SLC17A1: variants seen among roughly 807,000 people sequenced by gnomAD.
The protein encoded by SLC17A1 is sodium-dependent phosphate transport protein 1.
In SLC17A1, 51 loss-of-function variants were observed where a neutral mutation model predicts 53.5. The ratio of observed to expected loss-of-function variants is 0.95; its 90% CI spans 0.76 to 1.20. The LOEUF is 1.20. SLC17A1 is among the 50% of genes most tolerant of loss of function. The pLI is 0.00. For missense variants in SLC17A1, 538 were observed against 568.2 expected (o/e 0.95, Z 0.54); for synonymous variants, 179 against 198.8 (o/e 0.90, Z 0.84).
chr6:25,813,136 T>C lies in SLC17A1; in HGVS notation c.694A>G (p.Ile232Val). The C allele has an allele frequency of 6.2e-7, 1 of 1,614,168 alleles. No homozygotes were observed. Among genetic ancestry groups the C allele is most frequent in the Non-Finnish European group, 8.5e-7 (1 of 1,180,012 alleles). ...GATGTGATGTATTCCTTTTCACTGA[T>C]GCTTATACATGGGTGGTCTTTGGGG... ...DDPKDHPCIS[I>V]SEKEYITSSL... The change falls in exon 7 of 13, where the codon ATC (isoleucine) becomes GTC (valine). Residue 232 changes from isoleucine to valine, a missense_variant. Ile to Val is a conservative substitution (Grantham distance 29). Transcript: ENST00000244527.
the SLC17A1 span, among the ~76,000 whole-genome samples, chr6:25,729,892 T>C: frequency 6.6e-6 from 1 of 152,192 alleles, no homozygotes; most frequent in Non-Finnish European, 1.5e-5. Flanking sequence ...ATTGTACTAT[T>C]GATTTCTTTG....
intron 6 of SLC17A1, among the ~76,000 whole-genome samples, chr6:25,814,990 A>AACAC (rs56723023): frequency 5.9e-3 from 302 of 51,584 alleles, no homozygotes; most frequent in Non-Finnish European, 8.9e-3. Context: ...CTGTCACACA[A>AACAC]ACACACACAC....
the SLC17A1 span, among the ~76,000 whole-genome samples, chr6:25,735,689 A>G: frequency 6.6e-6 from 1 of 152,214 alleles, no homozygotes; most frequent in African/African-American, 2.4e-5. Flanking sequence ...ACAATATGCT[A>G]TGGTGGAAGC....
In SLC17A1 at chr6:25,812,564, G is replaced by A. The variant is rs141559354; in HGVS notation, c.897+267C>T. Among the ~76,000 whole-genome samples, 1,212 of 152,288 alleles carry A rather than the reference G, an allele frequency of 8.0e-3. 9 individuals are homozygous for A. The highest frequency in any genetic ancestry group is 0.017 in the Middle Eastern group (5 of 294). On this transcript the variant is annotated intron_variant, in intron 8 of 12. Transcript: ENST00000244527. ...GAGCCTTAAGTAATATACAAAGGGA[G>A]TCACATAGTCAATGGGAGATGGCAA...
the SLC17A1 span, among the ~76,000 whole-genome samples, chr6:25,775,907 G>A: frequency 6.6e-6 from 1 of 152,108 alleles, no homozygotes; most frequent in Non-Finnish European, 1.5e-5. Flanking sequence ...ATCAGTACAT[G>A]AGAACCTTGC....
At chr6:25,776,035 G>T in the SLC17A1 span, among the ~76,000 whole-genome samples, 1 of 152,044 alleles carries the variant, frequency 6.6e-6, no homozygotes, top group African/African-American at 2.4e-5. Flanking sequence ...AGATTATTGA[G>T]TCAAAGGGTA....
chr6:25,776,807 C>A, the SLC17A1 span: 2 of 1,613,774 alleles, frequency 1.2e-6, no homozygotes, highest in African/African-American at 2.7e-5. Context: ...GTCCTCCTAC[C>A]CCAGGGGTTC....
chr6:25,759,995 C>T, the SLC17A1 span, among the ~76,000 whole-genome samples: 2 of 152,172 alleles, frequency 1.3e-5, no homozygotes, highest in South Asian at 2.1e-4. Context: ...TTCTGTGTGG[C>T]TGTGCTTATT....
chr6:25,828,980 C>T (rs1764849349), intron 2 of SLC17A1, among the ~76,000 whole-genome samples: 1 of 152,066 alleles, frequency 6.6e-6, no homozygotes, highest in Admixed American at 6.6e-5. Context: ...GCCAACTGAG[C>T]TTCCGTTGTT....
At chr6:25,813,381 C>T (rs1382784554) in intron 6 of SLC17A1, among the ~76,000 whole-genome samples, 168 bp from the exon 7 acceptor site, 1 of 152,132 alleles carries the variant, frequency 6.6e-6, no homozygotes, top group Non-Finnish European at 1.5e-5. Context: ...CCACAGGGAC[C>T]CCTCCCTACT....
rs1177423764 is a variant in SLC17A1 at position 25,819,708 on chromosome 6, A to G, written c.415T>C (p.Cys139Arg). 2 of 1,614,102 alleles carry G rather than the reference A, an allele frequency of 1.2e-6. No homozygotes were observed. Among genetic ancestry groups the G allele is most frequent in the Non-Finnish European group, 1.7e-6 (2 of 1,180,034 alleles). Residue 139 changes from cysteine (C) to arginine (R), a missense_variant, in exon 4 of 13, where the codon TGT becomes CGT. By Grantham distance (180) the Cys-to-Arg change is radical. Transcript: ENST00000244527. The part of the protein sequence containing the change: ...AGIGVAWVVV[C>R]RAVQGAAQGI... ...TGGGCTGCTCCCTGAACTGCTCGAC[A>G]TACAACGACCCAAGCTACTCCAATT...
chr6:25,747,037 A>G, the SLC17A1 span, among the ~76,000 whole-genome samples: 18 of 152,346 alleles, frequency 1.2e-4, no homozygotes, highest in Admixed American at 3.3e-4. Context: ...GATTGTAATA[A>G]CAGGGGCCTC....
the SLC17A1 span, among the ~76,000 whole-genome samples, chr6:25,740,906 A>G: frequency 6.6e-6 from 1 of 152,200 alleles, no homozygotes; most frequent in Non-Finnish European, 1.5e-5. Context: ...GTTAAGTGAA[A>G]TAAGACAGGC....
chr6:25,775,196 G>A, the SLC17A1 span, among the ~76,000 whole-genome samples: 1 of 151,878 alleles, frequency 6.6e-6, no homozygotes, highest in Non-Finnish European at 1.5e-5. Context: ...GCCAGGTGTT[G>A]TGGCATCTGC....
At chr6:25,778,910 A>T, downstream of SLC17A1, 7 of 972,044 alleles carry the variant, frequency 7.2e-6, no homozygotes, top group South Asian at 1.1e-4. Context: ...AATGTACTTG[A>T]GTATTCTAGG....
intron 3 of SLC17A1, among the ~76,000 whole-genome samples, chr6:25,822,225 A>G (rs1261000795): frequency 6.6e-6 from 1 of 151,672 alleles, no homozygotes; most frequent in African/African-American, 2.4e-5. Flanking sequence ...TGTTTTTCTT[A>G]TTTCGTCTTT....
At chr6:25,724,239 C>CA in the SLC17A1 span, among the ~76,000 whole-genome samples, 1 of 152,206 alleles carries the variant, frequency 6.6e-6, no homozygotes, top group Non-Finnish European at 1.5e-5. Flanking sequence ...GCCTGGCCAA[C>CA]ATGGCGAAAC....
the SLC17A1 span, among the ~76,000 whole-genome samples, chr6:25,724,284 C>T: frequency 7.2e-5 from 11 of 152,028 alleles, no homozygotes; most frequent in Admixed American, 2.6e-4. Flanking sequence ...GTTAGCTGGG[C>T]GTGGGGCAGG....
At chr6:25,786,537 G>T (rs1309892982) in intron 12 of SLC17A1, among the ~76,000 whole-genome samples, 2 of 152,176 alleles carry the variant, frequency 1.3e-5, no homozygotes, top group Non-Finnish European at 2.9e-5. Context: ...CCACCTAGAA[G>T]GGAGAAGGGA....
Sources: gnomAD v4.1 joint callset for allele counts (sites outside exome capture counted in the v4.1 genomes callset) on GRCh38, gnomAD v4.1.1 for gene constraint, MANE v1.5 for transcripts, NCBI Gene and HGNC (gene_info 2026-07-23, HGNC 2026-07-21) for gene names.